The following FKBP1B variants were observed in gnomAD, a reference collection of about 807,000 sequenced individuals.
FKBP1B encodes the protein peptidyl-prolyl cis-trans isomerase FKBP1B.
FKBP1B carries 4 observed loss-of-function variants against 13.5 expected under a neutral mutation model. That is an observed-to-expected ratio of 0.30 (90% confidence interval 0.15 to 0.68). FKBP1B has a LOEUF of 0.68. Ranked by LOEUF, FKBP1B falls within the 30% of genes least tolerant of loss-of-function variation. The pLI is 0.76. For synonymous variants in FKBP1B, 54 were observed against 53.6 expected (o/e 1.01, Z -0.03); for missense variants, 93 against 136.2 (o/e 0.68, Z 1.58).
chr2:24,063,478 T>C lies in FKBP1B; in HGVS notation c.*286T>C. 1 of 337,464 alleles carries C rather than the reference T, an allele frequency of 3.0e-6. No homozygotes were observed. The allele number at this position is 337,464 out of a possible 1,614,324, so 20.9% of individuals were successfully genotyped here. On this transcript the variant is annotated 3_prime_UTR_variant, in exon 4 of 4. Coordinates refer to ENST00000380986, the MANE Select transcript of FKBP1B (RefSeq NM_004116.5). ...CTGATGACAGAACACAGATCTCTTG[T>C]TCGCACAATCTACACTGCCTTACCT...
At chr2:24,038,922 AAG>A in the FKBP1B span, 5 of 1,614,206 alleles carry the variant, frequency 3.1e-6, no homozygotes, top group East Asian at 8.9e-5. Flanking sequence ...AGCACCTGTG[AAG>A]AGTCTTCTGA....
At position 24,053,899 on chromosome 2, in the gene FKBP1B, C is replaced by T. The variant is rs748106530; in HGVS notation, c.38-3C>T. On this transcript the variant is annotated splice_polypyrimidine_tract_variant and splice_region_variant and intron_variant, in intron 1 of 3. Transcript: ENST00000380986. ...CTTCATCTGCCCTCATGTCTCCCTG[C>T]AGGAAGGACATTCCCCAAGAAGGGC... 5 of 1,614,036 alleles carry T rather than the reference C, an allele frequency of 3.1e-6. No homozygotes were observed. In the South Asian group the frequency reaches 4.4e-5, roughly 14 times the overall value.
At chr2:24,037,977 GA>G in the FKBP1B span, 1 of 1,614,208 alleles carries the variant, frequency 6.2e-7, no homozygotes, top group Non-Finnish European at 8.5e-7. Context: ...AGCCATCACA[GA>G]TACTAGACAG....
At chr2:24,058,427 T>C (rs914318918) in intron 2 of FKBP1B, among the ~76,000 whole-genome samples, 3 of 152,196 alleles carry the variant, frequency 2.0e-5, no homozygotes, top group Admixed American at 6.5e-5. Flanking sequence ...ATTTGCTGCA[T>C]TGCAGTGGTA....
intron 2 of FKBP1B, among the ~76,000 whole-genome samples, 159 bp from the exon 3 acceptor site, chr2:24,060,655 A>T (rs1407248528): frequency 6.6e-6 from 1 of 152,206 alleles, no homozygotes. Flanking sequence ...AGGCAGAAGG[A>T]AGTGTCCAGA....
At chr2:24,057,970 G>T (rs1216374799) in intron 2 of FKBP1B, among the ~76,000 whole-genome samples, 2 of 152,036 alleles carry the variant, frequency 1.3e-5, no homozygotes, top group Non-Finnish European at 2.9e-5. Flanking sequence ...GCCAAGGCAG[G>T]TGGATCACCT....
rs991095474 is a variant in FKBP1B, at chr2:24,049,761, A to C, written c.-89A>C. On this transcript the variant is annotated 5_prime_UTR_variant, in exon 1 of 4. Coordinates refer to ENST00000380986, the MANE Select transcript of FKBP1B (RefSeq NM_004116.5). ...GCTCTGCAGTGGCGGCGAGGAGGCG[A>C]GCCGGAGCGACGGCGGGGCTGGGGC... The C allele has an allele frequency of 1.4e-5, 16 of 1,122,892 alleles. No homozygotes were observed. Among genetic ancestry groups the C allele is most frequent in the Non-Finnish European group, 1.7e-5 (15 of 873,618 alleles). The allele number at this position is 1,122,892 out of a possible 1,614,324, so 69.6% of individuals were successfully genotyped here. A position where few individuals can be genotyped will look rare whatever the true frequency, so the allele number is the denominator to read the frequency against.
At chr2:24,059,375 G>GGGGC (rs1553320932) in intron 2 of FKBP1B, among the ~76,000 whole-genome samples, 1 of 149,406 alleles carries the variant, frequency 6.7e-6, no homozygotes, top group African/African-American at 2.6e-5. Context: ...CAGCACCTGG[G>GGGGC]GGGGGGTTCT....
At chr2:24,033,344 T>A in the FKBP1B span, 1 of 287,766 alleles carries the variant, frequency 3.5e-6, no homozygotes, top group Non-Finnish European at 7.0e-6. Flanking sequence ...GTGTCCTAAG[T>A]GGTAGAGTAG....
upstream of FKBP1B, chr2:24,049,524 T>C (rs941828980): frequency 1.1e-5 from 3 of 283,004 alleles, no homozygotes; most frequent in African/African-American, 6.6e-5. Flanking sequence ...CGCGAATGAA[T>C]GGATGGATGG....
the FKBP1B span, among the ~76,000 whole-genome samples, chr2:24,043,249 T>C: frequency 6.6e-6 from 1 of 152,148 alleles, no homozygotes; most frequent in Non-Finnish European, 1.5e-5. Flanking sequence ...GACACGAGAA[T>C]TGCTTGAACC....
the FKBP1B span, chr2:24,039,460 C>G: frequency 6.2e-7 from 1 of 1,614,160 alleles, no homozygotes; most frequent in Admixed American, 1.7e-5. Context: ...CGCATTCAGT[C>G]CAGTCCTGAG....
At chr2:24,037,696 T>G in the FKBP1B span, 1 of 1,612,492 alleles carries the variant, frequency 6.2e-7, no homozygotes, top group Non-Finnish European at 8.5e-7. Context: ...GATGTGAACA[T>G]AAGGAAGATC....
chr2:24,063,359 C>CA lies in FKBP1B; in HGVS notation c.*168dup. 1.6e-6 allele frequency: 1 copy of CA among 629,436 alleles called. No homozygotes were observed. The highest frequency in any genetic ancestry group is 2.5e-6 in the Non-Finnish European group (1 of 396,100). 39.0% of individuals were successfully genotyped at this position (629,436 alleles called of 1,614,324 possible). A position where few individuals can be genotyped will look rare whatever the true frequency, so the allele number is the denominator to read the frequency against. The stretch of plus-strand genomic sequence containing the variant: ...CCCAAGTTGCTCTGTATGTGTTCGT[C>CA]AGTGTTCATGCGAATTCTTGCTTGA... On this transcript the variant is annotated 3_prime_UTR_variant, in exon 4 of 4. Coordinates refer to ENST00000380986, the MANE Select transcript of FKBP1B (RefSeq NM_004116.5).
the FKBP1B span, among the ~76,000 whole-genome samples, chr2:24,042,799 G>T: frequency 6.6e-6 from 1 of 152,116 alleles, no homozygotes; most frequent in African/African-American, 2.4e-5. Flanking sequence ...TTGGGAGGCC[G>T]AGGCGGGCAG....
rs2150959915 is a variant in FKBP1B at position 24,050,603 on chromosome 2, TAA to T, written c.37+718_37+719del. On this transcript the variant is annotated intron_variant, in intron 1 of 3. Transcript: ENST00000380986. The surrounding 1 kb of genome is among the most constrained non-coding windows in gnomAD (Gnocchi z 5.8). ...AACTCTCGCTTCCCACCTTCTCTCCTAAGTGATCCTCTTTATCCCCCTTCCGT... is the reference window on the plus strand; with the variant it reads ...AACTCTCGCTTCCCACCTTCTCTCCTGTGATCCTCTTTATCCCCCTTCCGT... 6.6e-6 allele frequency among the ~76,000 whole-genome samples: 1 copy of T among 152,324 alleles called. No homozygotes were observed. Among genetic ancestry groups the T allele is most frequent in the East Asian group, 1.9e-4 (1 of 5,184 alleles).
At chr2:24,042,484 C>G in the FKBP1B span, among the ~76,000 whole-genome samples, 19 of 142,844 alleles carry the variant, frequency 1.3e-4, no homozygotes, top group Non-Finnish European at 2.7e-4. Flanking sequence ...TGCAGTGAAT[C>G]GAGATCGCAC....
At chr2:24,037,886 G>C in the FKBP1B span, 13 of 1,614,078 alleles carry the variant, frequency 8.1e-6, no homozygotes, top group Non-Finnish European at 1.1e-5. Flanking sequence ...GGAGGCTCCA[G>C]TGTGCTGGTG....
intron 3 of FKBP1B, among the ~76,000 whole-genome samples, chr2:24,062,793 A>C (rs1359450033): frequency 6.6e-6 from 1 of 152,230 alleles, no homozygotes; most frequent in African/African-American, 2.4e-5. Context: ...AGTCATACAC[A>C]AATTGAATAA....
Sources: allele counts gnomAD v4.1 joint callset (sites outside exome capture counted in the v4.1 genomes callset), GRCh38; gene constraint gnomAD v4.1.1; non-coding constraint Gnocchi (gnomAD v3.1); transcripts MANE v1.5; gene names NCBI Gene and HGNC (gene_info 2026-07-23, HGNC 2026-07-21).